NUP214: variants seen among roughly 807,000 people sequenced by gnomAD.
The protein encoded by NUP214 is nuclear pore complex protein Nup214.
In NUP214, 79 loss-of-function variants were observed where a neutral mutation model predicts 196.2. The observed-to-expected ratio is 0.40, with a 90% CI of 0.34 to 0.49. NUP214 has a LOEUF of 0.49. Ranked by LOEUF, NUP214 falls within the 20% of genes least tolerant of loss-of-function variation. The pLI, the probability that NUP214 is intolerant of heterozygous loss-of-function variation, is 0.58. For missense variants in NUP214, 2,468 were observed against 2,539.0 expected (o/e 0.97, Z 0.60); for synonymous variants, 1,020 against 990.5 (o/e 1.03, Z -0.56).
intron 31 of NUP214, among the ~76,000 whole-genome samples, chr9:131,221,612 CTCCTT>C (rs1834556504): frequency 1.3e-5 from 2 of 152,144 alleles, no homozygotes; most frequent in Non-Finnish European, 1.5e-5. Context: ...CTCCAGTCCT[CTCCTT>C]TCACTTTGCT....
chr9:131,181,680 C>T (rs1833282036), intron 24 of NUP214, among the ~76,000 whole-genome samples: 1 of 152,068 alleles, frequency 6.6e-6, no homozygotes, highest in African/African-American at 2.4e-5. Context: ...ATTAGGTTGT[C>T]TTTTTATTTT....
intron 32 of NUP214, among the ~76,000 whole-genome samples, chr9:131,223,161 C>T (rs764800761): frequency 8.6e-5 from 13 of 150,378 alleles, no homozygotes; most frequent in Non-Finnish European, 1.8e-4. Flanking sequence ...AGTAATGCAA[C>T]ATTTTTTTTT....
chr9:131,144,209 ACTTG>A, intron 11 of NUP214, 67 bp from the exon 12 acceptor site: 1 of 1,215,102 alleles, frequency 8.2e-7, no homozygotes, highest in South Asian at 1.4e-5. Flanking sequence ...ATTCTTTTTC[ACTTG>A]CTTTCTATTA....
rs1055854904 is a variant in NUP214 at position 131,234,496 on chromosome 9, G to T, written c.*1009G>T. The T allele has an allele frequency of 4.3e-6, 1 of 231,616 alleles. No homozygotes were observed. The highest frequency in any genetic ancestry group is 8.5e-6 in the Non-Finnish European group (1 of 117,138). The allele number at this position is 231,616 out of a possible 1,614,324, so 14.3% of individuals were successfully genotyped here. On this transcript the variant is annotated 3_prime_UTR_variant, in exon 36 of 36. Transcript: ENST00000359428. ...GTTGCCATCAAACAAGGACCGTCTC[G>T]CATTGAAAACAGATGTAAGAATTTC...
At chr9:131,164,393 A>G in intron 21 of NUP214, 1 of 495,780 alleles carries the variant, frequency 2.0e-6, no homozygotes, top group South Asian at 2.5e-5. Context: ...TTTGGCTTTT[A>G]CACTGTTTTC....
At position 131,198,063 on chromosome 9, in the gene NUP214, A is replaced by G. The variant is rs368154028; in HGVS notation, c.4569A>G (p.Ser1523=). Reference sequence around the variant, plus strand: ...CCTCACTTCTAGAGGAGCAACAGTCAGCCCAGCTTCCCCAGGCTCCTCCGC... The same window carrying G: ...CCTCACTTCTAGAGGAGCAACAGTCGGCCCAGCTTCCCCAGGCTCCTCCGC... ...SAASLLEEQQ[S]AQLPQAPPQT... Residue 1523 remains serine (S), a synonymous_variant, in exon 29 of 36, where the codon TCA becomes TCG. Transcript: ENST00000359428. 1.9e-6 allele frequency: 3 copies of G among 1,614,242 alleles called. No homozygotes were observed. The South Asian group carries it at 3.3e-5, about 18-fold the overall frequency.
chr9:131,169,026 TTTTTTTTG>T (rs906186977), intron 21 of NUP214, among the ~76,000 whole-genome samples: 1 of 48,604 alleles, frequency 2.1e-5, no homozygotes, highest in African/African-American at 6.4e-5. Flanking sequence ...CTTACTTTGT[TTTTTTTTG>T]TTTTTTTTTT....
rs1157794366 is a variant in NUP214 at position 131,146,325 on chromosome 9, CT to C, written c.1945+24del. ...ATCAGGTATGATTTTAAGCAGACAA[CT>C]TTAGACCTCAGCCCTGCCTTCTCAG... On this transcript the variant is annotated intron_variant, in intron 13 of 35. Transcript: ENST00000359428. This position sits in a 1 kb window ranked among gnomAD's most constrained non-coding sequence, Gnocchi z 4.6. The C allele has an allele frequency of 5.6e-6, 9 of 1,608,802 alleles. No individual in the cohort carries two copies. Among genetic ancestry groups the C allele is most frequent in the Non-Finnish European group, 6.8e-6 (8 of 1,175,402 alleles).
chr9:131,150,088 G>A (rs544767766), intron 14 of NUP214: 2 of 417,150 alleles, frequency 4.8e-6, no homozygotes, highest in Non-Finnish European at 8.8e-6. Context: ...TATTCAACAT[G>A]TCCCAGTAGG....
chr9:131,127,449 AT>A lies in NUP214; in HGVS notation c.46-73del, dbSNP rs1831397135. Reference sequence around the variant, plus strand: ...TAATACATATTTTTGTTGTACTGAAATTGGGTCTACTGAATATAACATGTTT... The same window carrying A: ...TAATACATATTTTTGTTGTACTGAAATGGGTCTACTGAATATAACATGTTT... On this transcript the variant is annotated intron_variant, in intron 1 of 35. Transcript: ENST00000359428. 11 of 1,184,434 alleles carry A rather than the reference AT, an allele frequency of 9.3e-6. No individual in the cohort carries two copies. The South Asian group carries it at 1.4e-4, about 16-fold the overall frequency. The allele number at this position is 1,184,434 out of a possible 1,614,324, so 73.4% of individuals were successfully genotyped here. A position where few individuals can be genotyped will look rare whatever the true frequency, so the allele number is the denominator to read the frequency against.
chr9:131,172,314 G>C (rs1229180367), intron 21 of NUP214, among the ~76,000 whole-genome samples: 1 of 152,168 alleles, frequency 6.6e-6, no homozygotes, highest in Non-Finnish European at 1.5e-5. Context: ...GTGATGGTGA[G>C]CATTTTGTCA....
At chr9:131,211,597 G>A (rs756960579) in intron 30 of NUP214, among the ~76,000 whole-genome samples, 4 of 152,316 alleles carry the variant, frequency 2.6e-5, no homozygotes, top group African/African-American at 4.8e-5. Flanking sequence ...AACATAAATT[G>A]TGAAGATTTC....
intron 12 of NUP214, 92 bp downstream of exon 12, chr9:131,144,846 A>C (rs902288073): frequency 9.8e-7 from 1 of 1,020,162 alleles, no homozygotes; most frequent in Non-Finnish European, 1.4e-6. Context: ...AGAGGAGTTA[A>C]CTGAGTAGAA....
At chr9:131,159,319 T>C (rs1832554559) in intron 17 of NUP214, 64 bp from the exon 18 acceptor site, 7 of 1,124,176 alleles carry the variant, frequency 6.2e-6, no homozygotes, top group African/African-American at 1.5e-5. Flanking sequence ...TTGACTGTTT[T>C]GATACATCTT....
Position 131,164,134 on chromosome 9 carries a change from C to T in NUP214, c.2883C>T (p.Ser961=). The T allele has an allele frequency of 6.2e-7, 1 of 1,614,028 alleles. No individual in the cohort carries two copies. The highest frequency in any genetic ancestry group is 8.5e-7 in the Non-Finnish European group (1 of 1,179,984). ...LAKRKTPPVR[S]TAPASLSRSA... ...AGAGGAAGACCCCACCAGTGAGATC[C>T]ACTGCTCCAGGTAAAGAGAACCAGT... The change falls in exon 21 of 36, where the codon TCC becomes TCT. Residue 961 remains serine (S), a synonymous_variant. Coordinates refer to ENST00000359428, the MANE Select transcript of NUP214 (RefSeq NM_005085.4).
intron 23 of NUP214, among the ~76,000 whole-genome samples, chr9:131,177,565 G>A (rs188914126): frequency 3.1e-4 from 47 of 152,246 alleles, no homozygotes; most frequent in Non-Finnish European, 6.2e-4. Context: ...TTGAAAGAGG[G>A]AATAAAAGAG....
Position 131,198,274 on chromosome 9 carries a change from A to G in NUP214, c.4780A>G (p.Thr1594Ala), listed in dbSNP as rs530735667. ...PASSFSVPGQ[T>A]AVTAAAISSA... ...TTCCTCCTTTTCTGTGCCTGGGCAGACTGCTGTCACAGCAGCTGCTATCTC... is the reference window on the plus strand; with the variant it reads ...TTCCTCCTTTTCTGTGCCTGGGCAGGCTGCTGTCACAGCAGCTGCTATCTC... Residue 1594 changes from threonine to alanine, a missense_variant, in exon 29 of 36, where the codon ACT becomes GCT. By Grantham distance (58) the Thr-to-Ala change is moderately conservative. Transcript: ENST00000359428. 1.9e-6 allele frequency: 3 copies of G among 1,614,166 alleles called. No homozygotes were observed. Among genetic ancestry groups the G allele is most frequent in the East Asian group, 2.2e-5 (1 of 44,886 alleles).
At position 131,200,384 on chromosome 9, in the gene NUP214, T is replaced by C. The variant is rs185596470; in HGVS notation, c.5522-1263T>C. Reference sequence around the variant, plus strand: ...TGAGGTCAGGAGTTTGAGACCAGCCTGGCCAACATGGTAAAACCCCATCTC... The same window carrying C: ...TGAGGTCAGGAGTTTGAGACCAGCCCGGCCAACATGGTAAAACCCCATCTC... On this transcript the variant is annotated intron_variant, in intron 29 of 35. Transcript: ENST00000359428. Among the ~76,000 whole-genome samples the C allele has an allele frequency of 2.1e-3, 325 of 152,338 alleles. 3 individuals carry two copies. The highest frequency in any genetic ancestry group is 7.3e-3 in the African/African-American group (303 of 41,582).
At chr9:131,186,953 G>C (rs983519503) in intron 24 of NUP214, among the ~76,000 whole-genome samples, 1 of 152,142 alleles carries the variant, frequency 6.6e-6, no homozygotes, top group African/African-American at 2.4e-5. Context: ...GGAATTTCTC[G>C]TGGTCTACAA....
Sources: allele counts gnomAD v4.1 joint callset (sites outside exome capture counted in the v4.1 genomes callset), GRCh38; gene constraint gnomAD v4.1.1; non-coding constraint Gnocchi (gnomAD v3.1); transcripts MANE v1.5; gene names NCBI Gene and HGNC (gene_info 2026-07-23, HGNC 2026-07-21).